SPINK13: variants seen among roughly 807,000 people sequenced by gnomAD.
SPINK13 encodes the protein serine peptidase inhibitor Kazal type 13.
Under a neutral mutation model 11.0 loss-of-function variants are expected in SPINK13, and 11 were observed. That is an observed-to-expected ratio of 1.00 (90% confidence interval 0.63 to 1.65). The LOEUF is 1.65. Among genes scored for constraint, SPINK13 ranks in the 40% most tolerant of loss-of-function variants. The pLI is 0.00. For missense variants in SPINK13, 113 were observed against 117.7 expected (o/e 0.96, Z 0.19); for synonymous variants, 31 against 35.6 (o/e 0.87, Z 0.46).
At chr5:148,283,350 G>A (rs1424794453) in intron 4 of SPINK13, among the ~76,000 whole-genome samples, 1 of 152,124 alleles carries the variant, frequency 6.6e-6, no homozygotes, top group Non-Finnish European at 1.5e-5. Flanking sequence ...TAAATTTCAT[G>A]GCTAGCATAA....
chr5:148,283,428 G>A (rs551427904), intron 4 of SPINK13, among the ~76,000 whole-genome samples: 11 of 152,258 alleles, frequency 7.2e-5, no homozygotes, highest in Admixed American at 4.6e-4. Context: ...CCAAGGGCTC[G>A]TAGGTTATCT....
intron 2 of SPINK13, among the ~76,000 whole-genome samples, chr5:148,272,291 T>C (rs1047801601): frequency 6.6e-6 from 1 of 152,216 alleles, no homozygotes; most frequent in African/African-American, 2.4e-5. Context: ...TTTTCTATAA[T>C]AGAAGATAAT....
intron 1 of SPINK13, among the ~76,000 whole-genome samples, chr5:148,269,492 C>A (rs565797223): frequency 6.6e-6 from 1 of 151,960 alleles, no homozygotes; most frequent in Non-Finnish European, 1.5e-5. Context: ...TATATTTGAG[C>A]CCATGTGACT....
chr5:148,283,622 C>T (rs76338293), intron 4 of SPINK13, among the ~76,000 whole-genome samples: 6,953 of 152,220 alleles, frequency 0.046, 406 homozygotes, highest in African/African-American at 0.13. Flanking sequence ...TTAACCAGGT[C>T]TCTACTGTTG....
intron 3 of SPINK13, among the ~76,000 whole-genome samples, chr5:148,281,247 G>C (rs1437040346): frequency 9.2e-5 from 14 of 152,156 alleles, no homozygotes; most frequent in African/African-American, 3.1e-4. Context: ...TGCTGAGCAA[G>C]ACCACTTGGC....
At chr5:148,274,985 C>T (rs961229889) in intron 3 of SPINK13, among the ~76,000 whole-genome samples, 4 of 151,990 alleles carry the variant, frequency 2.6e-5, no homozygotes, top group African/African-American at 9.7e-5. Flanking sequence ...GTGGTAAATC[C>T]AGGGTTTATT....
intron 3 of SPINK13, among the ~76,000 whole-genome samples, chr5:148,278,518 T>A (rs1756465209): frequency 6.6e-6 from 1 of 152,230 alleles, no homozygotes; most frequent in South Asian, 2.1e-4. Context: ...TGCCTTAATT[T>A]TGTTATTTAC....
chr5:148,283,331 T>C (rs1429620550), intron 4 of SPINK13, among the ~76,000 whole-genome samples: 1 of 152,098 alleles, frequency 6.6e-6, no homozygotes, highest in Non-Finnish European at 1.5e-5. Context: ...CAACAACAGG[T>C]GTTCATTATA....
rs746029113 is a variant in SPINK13, at chr5:148,279,091, CTTTTTTTTT to C, written c.109-2996_109-2988del. 6.4e-3 allele frequency among the ~76,000 whole-genome samples: 332 copies of C among 51,702 alleles called. 2 individuals are homozygous for C. Among genetic ancestry groups the C allele is most frequent in the African/African-American group, 0.025 (319 of 12,566 alleles). 33.9% of individuals were successfully genotyped at this position (51,702 alleles called of 152,430 possible). A position where few individuals can be genotyped will look rare whatever the true frequency, so the allele number is the denominator to read the frequency against. ...TCAGAGACTAGAATTGCAACCCCTG[CTTTTTTTTT>C]TTTTTTTTTTTTTTTTGCTTTCCAT... On this transcript the variant is annotated intron_variant, in intron 3 of 4. Coordinates refer to ENST00000398450, the MANE Select transcript of SPINK13 (RefSeq NM_001040129.3).
chr5:148,277,699 C>T (rs200316437), intron 3 of SPINK13, among the ~76,000 whole-genome samples: 2 of 152,218 alleles, frequency 1.3e-5, no homozygotes, highest in East Asian at 3.9e-4. Context: ...TGAGGATTTT[C>T]CCATCAATGT....
At chr5:148,269,940 C>T (rs370523345) in intron 1 of SPINK13, 100 bp from the exon 2 acceptor site, 2 of 730,442 alleles carry the variant, frequency 2.7e-6, no homozygotes, top group East Asian at 5.5e-5. Context: ...ATCACCAGGG[C>T]AAGTGTACAG....
At chr5:148,277,781 G>T (rs935568744) in intron 3 of SPINK13, among the ~76,000 whole-genome samples, 1 of 152,152 alleles carries the variant, frequency 6.6e-6, no homozygotes, top group Non-Finnish European at 1.5e-5. Flanking sequence ...GATGATGCTG[G>T]CCTCATAAAA....
At chr5:148,282,335 T>A (rs972034674) in intron 4 of SPINK13, 104 bp downstream of exon 4, 100 of 1,379,526 alleles carry the variant, frequency 7.2e-5, no homozygotes, top group Middle Eastern at 3.7e-4. Context: ...ATACTTTTTT[T>A]AAAAAAATAG....
intron 3 of SPINK13, among the ~76,000 whole-genome samples, chr5:148,279,836 G>C (rs888580706): frequency 6.6e-6 from 1 of 152,160 alleles, no homozygotes; most frequent in Non-Finnish European, 1.5e-5. Flanking sequence ...TGTCTTGCTA[G>C]GTTGGGGAAG....
At chr5:148,279,095 T>TG (rs1756475284) in intron 3 of SPINK13, among the ~76,000 whole-genome samples, 1 of 133,288 alleles carries the variant, frequency 7.5e-6, no homozygotes, top group African/African-American at 3.2e-5. Flanking sequence ...CCCCTGCTTT[T>TG]TTTTTTTTTT....
intron 3 of SPINK13, among the ~76,000 whole-genome samples, chr5:148,277,795 G>A (rs1212847297): frequency 6.6e-6 from 1 of 152,148 alleles, no homozygotes; most frequent in Non-Finnish European, 1.5e-5. Flanking sequence ...CATAAAATGA[G>A]TTAGGGAGGA....
intron 1 of SPINK13, 67 bp from the exon 2 acceptor site, chr5:148,269,973 T>C: frequency 8.7e-7 from 1 of 1,144,012 alleles, no homozygotes; most frequent in South Asian, 1.3e-5. Context: ...CTTAGGGTAT[T>C]GTGTTCTCTC....
intron 4 of SPINK13, among the ~76,000 whole-genome samples, chr5:148,283,187 G>A (rs2113376168): frequency 6.6e-6 from 1 of 152,198 alleles, no homozygotes; most frequent in Admixed American, 6.5e-5. Context: ...CCAAGACTTG[G>A]TGTTCAGACT....
At chr5:148,281,131 C>A (rs1471991683) in intron 3 of SPINK13, among the ~76,000 whole-genome samples, 1 of 152,178 alleles carries the variant, frequency 6.6e-6, no homozygotes, top group Non-Finnish European at 1.5e-5. Context: ...GACGCCCCTC[C>A]CCCCACCAAG....
Sources: gnomAD v4.1 joint callset for allele counts (sites outside exome capture counted in the v4.1 genomes callset) on GRCh38, gnomAD v4.1.1 for gene constraint, MANE v1.5 for transcripts, NCBI Gene and HGNC (gene_info 2026-07-23, HGNC 2026-07-21) for gene names.